COL9A2: variants seen among roughly 807,000 people sequenced by gnomAD.
COL9A2 encodes the protein collagen type IX alpha 2 chain, also known as collagen alpha-2(IX) chain.
Under a neutral mutation model 111.6 loss-of-function variants are expected in COL9A2, and 66 were observed. The observed-to-expected ratio is 0.59, with a 90% CI of 0.48 to 0.73. The LOEUF is 0.73. Ranked by LOEUF, COL9A2 falls within the 30% of genes least tolerant of loss-of-function variation. The pLI is 0.00. For synonymous variants in COL9A2, 353 were observed against 364.1 expected (o/e 0.97, Z 0.35); for missense variants, 881 against 954.1 (o/e 0.92, Z 1.01).
In COL9A2 at chr1:40,312,608, C is replaced by T. The variant is rs1168056654; in HGVS notation, c.305G>A (p.Gly102Asp). Residue 102 changes from glycine to aspartate, a missense_variant and splice_region_variant, in exon 6 of 32, where the codon GGC (glycine) becomes GAC (aspartate). Transcript: ENST00000372748. The surrounding 1 kb of genome is among the most constrained non-coding windows in gnomAD (Gnocchi z 6.0). ...AGGAGGACCAGGAAGCCCGGGCTGG[C>T]CCTGCAGAAGCAACGAGAAAGGCTC... is the stretch of plus-strand genomic sequence containing the variant. ...PGPMGIPGVK[G>D]QPGLPGPPGL... is the part of the protein sequence containing the mutation. 5.6e-6 allele frequency: 9 copies of T among 1,614,058 alleles called. No individual in the cohort carries two copies. Among genetic ancestry groups the T allele is most frequent in the Non-Finnish European group, 7.6e-6 (9 of 1,179,966 alleles).
Position 40,310,111 on chromosome 1 carries a change from C to T in COL9A2, c.792G>A (p.Pro264=), listed in dbSNP as rs764969929. Residue 264 remains proline (P), a splice_region_variant and synonymous_variant, in exon 15 of 32, where the codon CCG becomes CCA. Transcript: ENST00000372748. The surrounding 1 kb of genome is among the most constrained non-coding windows in gnomAD (Gnocchi z 4.9). ...MVGAIGATGP[P]GEEGPRGPPG... ...GGTAGGGGAGCAAAAAGAGGCTTACCGGTGGCCCAGTGGCACCGATAGCGC... is the reference window on the plus strand; with the variant it reads ...GGTAGGGGAGCAAAAAGAGGCTTACTGGTGGCCCAGTGGCACCGATAGCGC... The T allele has an allele frequency of 2.2e-5, 35 of 1,614,004 alleles. No homozygotes were observed. The highest frequency in any genetic ancestry group is 1.5e-4 in the South Asian group (14 of 91,076).
chr1:40,306,010 G>A (rs1380808585), intron 20 of COL9A2, 133 bp downstream of exon 20: 3 of 1,015,088 alleles, frequency 3.0e-6, no homozygotes, highest in East Asian at 2.5e-5. Flanking sequence ...GAGGTGGCAG[G>A]AGGGAGGTGG....
At position 40,316,751 on chromosome 1, in the gene COL9A2, C is replaced by T. The variant is rs1644225651; in HGVS notation, c.75+372G>A. On this transcript the variant is annotated intron_variant, in intron 1 of 31. Coordinates refer to ENST00000372748, the MANE Select transcript of COL9A2 (RefSeq NM_001852.4). This position sits in a 1 kb window ranked among gnomAD's most constrained non-coding sequence, Gnocchi z 5.5. ...GGCGACAGCGGCGTCTGGTTGGAGC[C>T]GGCGCCCCCTGGGAGGCGGCGGGGG... The T allele has an allele frequency of 2.7e-6, 1 of 363,976 alleles. No homozygotes were observed. Among genetic ancestry groups the T allele is most frequent in the Non-Finnish European group, 5.1e-6 (1 of 195,638 alleles). The allele number at this position is 363,976 out of a possible 1,614,324, so 22.5% of individuals were successfully genotyped here.
chr1:40,312,173 G>A lies in COL9A2; in HGVS notation c.364-61C>T. The stretch of plus-strand genomic sequence containing the variant: ...GAGGGTCAGATACCCTGGGCACAAA[G>A]GTAGAGACAGGCACCCAAAGCCCGT... On this transcript the variant is annotated intron_variant, in intron 7 of 31. Coordinates refer to ENST00000372748, the MANE Select transcript of COL9A2 (RefSeq NM_001852.4). The surrounding 1 kb of genome is among the most constrained non-coding windows in gnomAD (Gnocchi z 6.0). 1 of 1,417,434 alleles carries A rather than the reference G, an allele frequency of 7.1e-7. No homozygotes were observed. Among genetic ancestry groups the A allele is most frequent in the Non-Finnish European group, 9.8e-7 (1 of 1,020,252 alleles). 87.8% of individuals were successfully genotyped at this position (1,417,434 alleles called of 1,614,324 possible).
In COL9A2 at chr1:40,311,569, G is replaced by C. The variant is rs1644128053; in HGVS notation, c.472-22C>G. 1 of 1,613,976 alleles carries C rather than the reference G, an allele frequency of 6.2e-7. No homozygotes were observed. The highest frequency in any genetic ancestry group is 8.5e-7 in the Non-Finnish European group (1 of 1,179,980). On this transcript the variant is annotated intron_variant, in intron 9 of 31. Transcript: ENST00000372748. The surrounding 1 kb of genome is among the most constrained non-coding windows in gnomAD (Gnocchi z 5.1). ...GACCCTGAGAGGAGACATGAAGATG[G>C]AGCTTGGCCTGACCCTTTCCCGCCG... is the stretch of plus-strand genomic sequence containing the variant.
At position 40,307,681 on chromosome 1, in the gene COL9A2, C is replaced by G. The variant is rs1441902686; in HGVS notation, c.954+22G>C. 1 of 1,613,916 alleles carries G rather than the reference C, an allele frequency of 6.2e-7. No individual in the cohort carries two copies. The highest frequency in any genetic ancestry group is 1.7e-5 in the Admixed American group (1 of 60,012). ...TCAAGGTCCTGCCCCTGCCCCAGTC[C>G]CATCAGCAGCCCCACTCCTACCTTC... On this transcript the variant is annotated intron_variant, in intron 18 of 31. Transcript: ENST00000372748. This position sits in a 1 kb window ranked among gnomAD's most constrained non-coding sequence, Gnocchi z 4.8.
chr1:40,312,862 C>A lies in COL9A2; in HGVS notation c.250-78G>T. 2 of 1,366,252 alleles carry A rather than the reference C, an allele frequency of 1.5e-6. No individual in the cohort carries two copies. Among genetic ancestry groups the A allele is most frequent in the South Asian group, 1.3e-5 (1 of 79,656 alleles). The allele number at this position is 1,366,252 out of a possible 1,614,324, so 84.6% of individuals were successfully genotyped here. On this transcript the variant is annotated intron_variant, in intron 4 of 31. Transcript: ENST00000372748. This position sits in a 1 kb window ranked among gnomAD's most constrained non-coding sequence, Gnocchi z 6.0. ...CACAGAGCAGGGCAGGTTCAAGGGT[C>A]CCTCCTGGGTGGGCCGAGGCTCCTT...
At position 40,317,151 on chromosome 1, in the gene COL9A2, TGGA is replaced by T. The variant is rs764658749; in HGVS notation, c.44_46del (p.Leu15del). On this transcript the variant is annotated inframe_deletion, in exon 1 of 32. Transcript: ENST00000372748. This position sits in a 1 kb window ranked among gnomAD's most constrained non-coding sequence, Gnocchi z 4.3. ...CTGCGCCAGAGCGAGCACTACCACC[TGGA>T]GGAGAACAAGGAGGCTGCGGGGGGA... The T allele has an allele frequency of 2.1e-5, 34 of 1,587,694 alleles. No homozygotes were observed. The highest frequency in any genetic ancestry group is 2.1e-5 in the Non-Finnish European group (24 of 1,167,376).
chr1:40,308,354 T>C (rs1644063421), intron 16 of COL9A2, 109 bp from the exon 17 acceptor site: 14 of 1,146,886 alleles, frequency 1.2e-5, no homozygotes, highest in Middle Eastern at 2.5e-4. Context: ...AGAGTTCCTC[T>C]GGCACAGGCC....
At position 40,311,047 on chromosome 1, in the gene COL9A2, C is replaced by T; in HGVS notation, c.630+46G>A. On this transcript the variant is annotated intron_variant, in intron 12 of 31. Transcript: ENST00000372748. The surrounding 1 kb of genome is among the most constrained non-coding windows in gnomAD (Gnocchi z 5.1). ...AGAAGGGGACAGAGCCCTGTAGGAC[C>T]ATCTCCACGTATCCCTGACCCACAG... 1 of 1,608,972 alleles carries T rather than the reference C, an allele frequency of 6.2e-7. No homozygotes were observed. Among genetic ancestry groups the T allele is most frequent in the Non-Finnish European group, 8.5e-7 (1 of 1,175,850 alleles).
Position 40,307,517 on chromosome 1 carries a change from C to A in COL9A2, c.955-18G>T, listed in dbSNP as rs776379936. On this transcript the variant is annotated intron_variant, in intron 18 of 31. Transcript: ENST00000372748. The surrounding 1 kb of genome is among the most constrained non-coding windows in gnomAD (Gnocchi z 4.8). ...GCACTGCCCTGGGATAGACAGATAA[C>A]CAAAGATACAAATTAAAGCTCCAGC... 1.1e-5 allele frequency: 18 copies of A among 1,613,894 alleles called. No individual in the cohort carries two copies. Among genetic ancestry groups the A allele is most frequent in the Non-Finnish European group, 1.7e-6 (2 of 1,179,916 alleles).
chr1:40,302,884 G>T lies in COL9A2; in HGVS notation c.1604-75C>A. The T allele has an allele frequency of 7.1e-7, 1 of 1,412,670 alleles. No individual in the cohort carries two copies. Among genetic ancestry groups the T allele is most frequent in the Non-Finnish European group, 9.7e-7 (1 of 1,031,458 alleles). 87.5% of individuals were successfully genotyped at this position (1,412,670 alleles called of 1,614,324 possible). ...CAGCAGTAACACTAGGGGAGGCAGA[G>T]CATTCCGATGGGCCCTGGCCCCTAG... On this transcript the variant is annotated intron_variant, in intron 29 of 31. Coordinates refer to ENST00000372748, the MANE Select transcript of COL9A2 (RefSeq NM_001852.4). The surrounding 1 kb of genome is among the most constrained non-coding windows in gnomAD (Gnocchi z 4.5).
rs1461587182 is a variant in COL9A2, at chr1:40,316,465, C to T, written c.75+658G>A. ...GGCGAGCTCACAGCTGGAGAGTCTC[C>T]ATCCTGCTGCCCATCTCTGAACAGA... On this transcript the variant is annotated intron_variant, in intron 1 of 31. Transcript: ENST00000372748. The surrounding 1 kb of genome is among the most constrained non-coding windows in gnomAD (Gnocchi z 5.5). 2.0e-5 allele frequency among the ~76,000 whole-genome samples: 3 copies of T among 152,208 alleles called. No homozygotes were observed. The highest frequency in any genetic ancestry group is 4.4e-5 in the Non-Finnish European group (3 of 68,018).
intron 21 of COL9A2, 112 bp from the exon 22 acceptor site, chr1:40,304,959 G>A: frequency 2.3e-6 from 2 of 859,888 alleles, no homozygotes; most frequent in Non-Finnish European, 3.6e-6. Context: ...CATCAGGGAA[G>A]GTTTCCCAGA....
chr1:40,312,216 T>TC lies in COL9A2; in HGVS notation c.364-105_364-104insG. 1 of 1,127,432 alleles carries TC rather than the reference T, an allele frequency of 8.9e-7. No homozygotes were observed. The highest frequency in any genetic ancestry group is 1.3e-6 in the Non-Finnish European group (1 of 784,990). The allele number at this position is 1,127,432 out of a possible 1,614,324, so 69.8% of individuals were successfully genotyped here. ...AAGCCCGTTTCTCCACTTTTACTTTTTTTTTTTTTTTGCCAACCCCAGAGA... is the reference window on the plus strand; with the variant it reads ...AAGCCCGTTTCTCCACTTTTACTTTTCTTTTTTTTTTTGCCAACCCCAGAGA... On this transcript the variant is annotated intron_variant, in intron 7 of 31. Coordinates refer to ENST00000372748, the MANE Select transcript of COL9A2 (RefSeq NM_001852.4). The surrounding 1 kb of genome is among the most constrained non-coding windows in gnomAD (Gnocchi z 6.0).
rs554124960 is a variant in COL9A2 at position 40,316,754 on chromosome 1, C to A, written c.75+369G>T. 1.1e-5 allele frequency: 4 copies of A among 364,158 alleles called. No homozygotes were observed. The highest frequency in any genetic ancestry group is 2.0e-5 in the Non-Finnish European group (4 of 195,904). The allele number at this position is 364,158 out of a possible 1,614,324, so 22.6% of individuals were successfully genotyped here. ...GACAGCGGCGTCTGGTTGGAGCCGG[C>A]GCCCCCTGGGAGGCGGCGGGGGCGG... On this transcript the variant is annotated intron_variant, in intron 1 of 31. Transcript: ENST00000372748. The surrounding 1 kb of genome is among the most constrained non-coding windows in gnomAD (Gnocchi z 5.5).
chr1:40,304,458 T>G lies in COL9A2; in HGVS notation c.1215+18A>C. On this transcript the variant is annotated intron_variant, in intron 23 of 31. Transcript: ENST00000372748. ...CCTGGATATGACGCCCTGCCCACCT[T>G]AGCTGGCCTGCACTCACCTGCCTTC... 6.2e-7 allele frequency: 1 copy of G among 1,614,064 alleles called. No individual in the cohort carries two copies. The highest frequency in any genetic ancestry group is 1.1e-5 in the South Asian group (1 of 91,060).
At position 40,303,420 on chromosome 1, in the gene COL9A2, T is replaced by C. The variant is rs1465360246; in HGVS notation, c.1548+110A>G. ...TGTCTGCTCTGGGGCTTGGAACCAG[T>C]CTCGGGGAAGTCGGTGAGTCTCTGG... On this transcript the variant is annotated intron_variant, in intron 28 of 31. Coordinates refer to ENST00000372748, the MANE Select transcript of COL9A2 (RefSeq NM_001852.4). The surrounding 1 kb of genome is among the most constrained non-coding windows in gnomAD (Gnocchi z 4.6). 6.1e-6 allele frequency: 9 copies of C among 1,473,038 alleles called. No individual in the cohort carries two copies. In the African/African-American group the frequency reaches 1.3e-4, roughly 21 times the overall value. The allele number at this position is 1,473,038 out of a possible 1,614,324, so 91.2% of individuals were successfully genotyped here.
Position 40,315,495 on chromosome 1 carries a change from G to T in COL9A2, c.150+95C>A. The T allele has an allele frequency of 6.8e-6, 10 of 1,464,754 alleles. No homozygotes were observed. In the South Asian group the frequency reaches 1.3e-4, roughly 19 times the overall value. 90.7% of individuals were successfully genotyped at this position (1,464,754 alleles called of 1,614,324 possible). A position where few individuals can be genotyped will look rare whatever the true frequency, so the allele number is the denominator to read the frequency against. The stretch of plus-strand genomic sequence containing the variant: ...TGGCGACGAGGGGCACTACATCTCC[G>T]GGCACCCCGAAGTCCCCACCCCCAC... On this transcript the variant is annotated intron_variant, in intron 2 of 31. Coordinates refer to ENST00000372748, the MANE Select transcript of COL9A2 (RefSeq NM_001852.4).
Sources: allele counts gnomAD v4.1 joint callset (sites outside exome capture counted in the v4.1 genomes callset), GRCh38; gene constraint gnomAD v4.1.1; non-coding constraint Gnocchi (gnomAD v3.1); transcripts MANE v1.5; gene names NCBI Gene and HGNC (gene_info 2026-07-23, HGNC 2026-07-21).